The following MAP2K6 variants were observed in gnomAD, a reference collection of about 807,000 sequenced individuals.
The protein encoded by MAP2K6 is mitogen-activated protein kinase kinase 6.
In MAP2K6, 16 loss-of-function variants were observed where a neutral mutation model predicts 53.7. That is an observed-to-expected ratio of 0.30 (90% CI 0.20 to 0.45). MAP2K6 has a LOEUF of 0.45. Ranked by LOEUF, MAP2K6 falls within the 20% of genes least tolerant of loss-of-function variation. The pLI, the probability that MAP2K6 is intolerant of heterozygous loss-of-function variation, is 1.00. For missense variants in MAP2K6, 204 were observed against 411.9 expected (o/e 0.50, Z 4.37); for synonymous variants, 132 against 143.1 (o/e 0.92, Z 0.55).
intron 10 of MAP2K6, 139 bp from the exon 11 acceptor site, chr17:69,535,976 G>T: frequency 1.6e-6 from 1 of 628,590 alleles, no homozygotes. Flanking sequence ...TTACAGAAGA[G>T]GAAAGTCAAG....
chr17:69,456,714 T>C (rs1907421099), intron 1 of MAP2K6, among the ~76,000 whole-genome samples: 1 of 152,192 alleles, frequency 6.6e-6, no homozygotes, highest in African/African-American at 2.4e-5. Context: ...TCTCCCCACC[T>C]AGCCTTCCTC....
At chr17:69,505,475 C>G in intron 1 of MAP2K6, 1 of 196,240 alleles carries the variant, frequency 5.1e-6, no homozygotes, top group Non-Finnish European at 1.0e-5. Context: ...GTTGCAATGA[C>G]AAATTCTCAG....
intron 1 of MAP2K6, among the ~76,000 whole-genome samples, chr17:69,493,782 T>G (rs988974090): frequency 3.3e-5 from 5 of 149,534 alleles, no homozygotes; most frequent in Non-Finnish European, 7.5e-5. Context: ...AAAAAAAAAA[T>G]ATATGTATAC....
intron 1 of MAP2K6, among the ~76,000 whole-genome samples, chr17:69,482,993 A>G (rs779766379): frequency 6.6e-6 from 1 of 151,962 alleles, no homozygotes; most frequent in Non-Finnish European, 1.5e-5. Context: ...GACTGTCTTC[A>G]TGAGGGCTTG....
At chr17:69,503,947 T>C (rs1008446259) in intron 1 of MAP2K6, among the ~76,000 whole-genome samples, 7 of 152,084 alleles carry the variant, frequency 4.6e-5, no homozygotes, top group Non-Finnish European at 7.4e-5. Context: ...GTCAGCTGGG[T>C]ATTTTAAAAC....
At chr17:69,444,579 C>T (rs748573358) in intron 1 of MAP2K6, among the ~76,000 whole-genome samples, 19 of 152,292 alleles carry the variant, frequency 1.2e-4, no homozygotes, top group Non-Finnish European at 2.2e-4. Context: ...CCTCCCCAAC[C>T]GGATGGAGCT....
At chr17:69,425,343 A>G (rs1906234648) in intron 1 of MAP2K6, among the ~76,000 whole-genome samples, 1 of 151,422 alleles carries the variant, frequency 6.6e-6, no homozygotes, top group Non-Finnish European at 1.5e-5. Context: ...GATGGCGTAT[A>G]GCTCTGTCAC....
chr17:69,419,856 A>T (rs908882185), intron 1 of MAP2K6, among the ~76,000 whole-genome samples: 1 of 151,582 alleles, frequency 6.6e-6, no homozygotes, highest in African/African-American at 2.4e-5. Flanking sequence ...GGAGGTTGCA[A>T]TGAGCAGAGA....
At chr17:69,472,886 C>T (rs1908028440) in intron 1 of MAP2K6, among the ~76,000 whole-genome samples, 1 of 151,996 alleles carries the variant, frequency 6.6e-6, no homozygotes, top group African/African-American at 2.4e-5. Context: ...TTTGTATTTT[C>T]AGTAGAGATG....
chr17:69,495,846 G>A (rs1241403364), intron 1 of MAP2K6, among the ~76,000 whole-genome samples: 1 of 152,032 alleles, frequency 6.6e-6, no homozygotes, highest in Non-Finnish European at 1.5e-5. Context: ...TTAAAGTGAT[G>A]TTTTTAACAC....
At chr17:69,469,356 G>A (rs1016344351) in intron 1 of MAP2K6, among the ~76,000 whole-genome samples, 3 of 152,218 alleles carry the variant, frequency 2.0e-5, no homozygotes, top group Non-Finnish European at 4.4e-5. Context: ...TGCAAAGATC[G>A]TTTTGTCATG....
chr17:69,541,243 ACAGAGCGAGACTCCATCTC>A (rs1911611520), intron 11 of MAP2K6, among the ~76,000 whole-genome samples: 1 of 152,004 alleles, frequency 6.6e-6, no homozygotes, highest in African/African-American at 2.4e-5. Flanking sequence ...AGCCTGGGCA[ACAGAGCGAGACTCCATCTC>A]AAAAAGAAAA....
intron 1 of MAP2K6, among the ~76,000 whole-genome samples, chr17:69,456,985 G>A (rs1907432877): frequency 1.3e-5 from 2 of 152,102 alleles, no homozygotes; most frequent in Admixed American, 6.5e-5. Flanking sequence ...CTTCACGGCC[G>A]TGCATACGGA....
intron 1 of MAP2K6, among the ~76,000 whole-genome samples, chr17:69,489,941 C>A (rs1221331264): frequency 1.3e-5 from 2 of 152,172 alleles, no homozygotes; most frequent in East Asian, 3.9e-4. Flanking sequence ...TCACAAACGT[C>A]CAGCTTCTCT....
chr17:69,461,413 T>C (rs1336906130), intron 1 of MAP2K6, among the ~76,000 whole-genome samples: 1 of 152,202 alleles, frequency 6.6e-6, no homozygotes, highest in Non-Finnish European at 1.5e-5. Context: ...CCTTTTCTCC[T>C]TCAGCGGAGA....
At chr17:69,521,831 AAAC>A (rs1242380696) in intron 7 of MAP2K6, 10 of 150,960 alleles carry the variant, frequency 6.6e-5, no homozygotes, top group African/African-American at 2.2e-4. Flanking sequence ...AAAAAAAAAA[AAAC>A]CACCTTAGAA....
At chr17:69,462,325 G>A (rs1907648412) in intron 1 of MAP2K6, among the ~76,000 whole-genome samples, 1 of 152,076 alleles carries the variant, frequency 6.6e-6, no homozygotes, top group Non-Finnish European at 1.5e-5. Context: ...TGCTTGGCTG[G>A]TCTCTGTGGA....
intron 1 of MAP2K6, among the ~76,000 whole-genome samples, chr17:69,438,113 G>T (rs753622078): frequency 6.6e-6 from 1 of 152,264 alleles, no homozygotes; most frequent in Non-Finnish European, 1.5e-5. Flanking sequence ...TCTCAGGGAT[G>T]AGGAAACCTT....
chr17:69,442,269 G>A (rs1906844533), intron 1 of MAP2K6, among the ~76,000 whole-genome samples: 1 of 151,908 alleles, frequency 6.6e-6, no homozygotes, highest in Non-Finnish European at 1.5e-5. Flanking sequence ...TTCTCTTGAG[G>A]TATGCTGTTG....
Sources: gnomAD v4.1 joint callset for allele counts (sites outside exome capture counted in the v4.1 genomes callset) on GRCh38, gnomAD v4.1.1 for gene constraint, MANE v1.5 for transcripts, NCBI Gene and HGNC (gene_info 2026-07-23, HGNC 2026-07-21) for gene names.